PLPPR1: variants seen among roughly 807,000 people sequenced by gnomAD.
The protein encoded by PLPPR1 is phospholipid phosphatase related 1, also known as phospholipid phosphatase-related protein type 1.
In PLPPR1, 10 loss-of-function variants were observed where a neutral mutation model predicts 33.1. The observed-to-expected ratio is 0.30, with a 90% CI of 0.19 to 0.51. The LOEUF is 0.51. PLPPR1 is among the 20% of genes least tolerant of loss of function. The pLI is 0.97. For missense variants in PLPPR1, 304 were observed against 408.1 expected, an observed-to-expected ratio of 0.74 and a Z score of 2.20; for synonymous variants, 151 against 151.0, an observed-to-expected ratio of 1.00 and a Z score of 0.00.
intron 1 of PLPPR1, among the ~76,000 whole-genome samples, chr9:101,184,334 G>A (rs3758287): frequency 2.0e-5 from 3 of 151,914 alleles, no homozygotes; most frequent in East Asian, 3.9e-4. Context: ...CAAAAGGGAA[G>A]GATATGTATT....
At chr9:101,184,311 G>A (rs1194818927) in intron 1 of PLPPR1, among the ~76,000 whole-genome samples, 2 of 151,480 alleles carry the variant, frequency 1.3e-5, no homozygotes, top group Non-Finnish European at 2.9e-5. Context: ...TGACAAGTGA[G>A]GAGTTGATAT....
At chr9:101,118,674 C>T (rs1450447020) in intron 1 of PLPPR1, among the ~76,000 whole-genome samples, 1 of 152,216 alleles carries the variant, frequency 6.6e-6, no homozygotes, top group African/African-American at 2.4e-5. Context: ...AGCCTGTAGA[C>T]AATGTTGATC....
chr9:101,173,088 A>G (rs1357504130), intron 1 of PLPPR1, among the ~76,000 whole-genome samples: 1 of 152,222 alleles, frequency 6.6e-6, no homozygotes, highest in African/African-American at 2.4e-5. Context: ...ACAAACCCAT[A>G]AAGAATAATC....
At chr9:101,272,253 T>C (rs1828115223) in intron 3 of PLPPR1, among the ~76,000 whole-genome samples, 1 of 152,040 alleles carries the variant, frequency 6.6e-6, no homozygotes, top group African/African-American at 2.4e-5. Context: ...TCTCAAAAAA[T>C]AGTACTCAGG....
intron 2 of PLPPR1, among the ~76,000 whole-genome samples, chr9:101,210,499 A>T (rs1417565648): frequency 6.6e-6 from 1 of 151,932 alleles, no homozygotes; most frequent in Admixed American, 6.6e-5. Flanking sequence ...TCTTTCTCTC[A>T]TTCTTTATGA....
intron 4 of PLPPR1, among the ~76,000 whole-genome samples, chr9:101,292,155 A>C (rs1046742160): frequency 1.3e-5 from 2 of 152,244 alleles, no homozygotes; most frequent in Non-Finnish European, 2.9e-5. Context: ...CAGAAGCCTC[A>C]GGAGCCGACG....
At chr9:101,210,589 G>T (rs1451793955) in intron 2 of PLPPR1, among the ~76,000 whole-genome samples, 1 of 152,084 alleles carries the variant, frequency 6.6e-6, no homozygotes, top group African/African-American at 2.4e-5. Flanking sequence ...TGATGGATTT[G>T]ACACATTTAT....
intron 1 of PLPPR1, among the ~76,000 whole-genome samples, chr9:101,047,573 T>C (rs981923229): frequency 3.9e-5 from 6 of 152,280 alleles, no homozygotes; most frequent in Middle Eastern, 3.4e-3. Context: ...GCCCAAGCAG[T>C]CTCCATCGTA....
intron 1 of PLPPR1, among the ~76,000 whole-genome samples, chr9:101,037,228 C>T (rs1457386008): frequency 3.3e-5 from 5 of 151,982 alleles, no homozygotes. Flanking sequence ...AAATAAATCC[C>T]CTGCTTGTGT....
chr9:101,113,412 A>G (rs578082975), intron 1 of PLPPR1, among the ~76,000 whole-genome samples: 12 of 152,286 alleles, frequency 7.9e-5, no homozygotes, highest in African/African-American at 2.6e-4. Context: ...AGTAAGGGAT[A>G]TATAACTATT....
At chr9:101,291,259 C>A (rs1828499562) in intron 4 of PLPPR1, among the ~76,000 whole-genome samples, 1 of 152,214 alleles carries the variant, frequency 6.6e-6, no homozygotes, top group Admixed American at 6.5e-5. Flanking sequence ...ATTGCCCAGG[C>A]TTGCTTAGGT....
At chr9:101,223,623 T>C (rs1397455094) in intron 2 of PLPPR1, among the ~76,000 whole-genome samples, 1 of 152,134 alleles carries the variant, frequency 6.6e-6, no homozygotes, top group Non-Finnish European at 1.5e-5. Context: ...CTCATGGTAG[T>C]GAGTGACTCT....
intron 1 of PLPPR1, among the ~76,000 whole-genome samples, chr9:101,154,307 C>G (rs1831643730): frequency 6.6e-6 from 1 of 151,456 alleles, no homozygotes; most frequent in Non-Finnish European, 1.5e-5. Context: ...CCTTGTACCT[C>G]TGGTAGAATT....
chr9:101,109,497 T>C (rs942116794), intron 1 of PLPPR1, among the ~76,000 whole-genome samples: 1 of 152,186 alleles, frequency 6.6e-6, no homozygotes, highest in Non-Finnish European at 1.5e-5. Context: ...ATAAAGCCAG[T>C]GCTATGCCAT....
chr9:101,056,115 T>G (rs148681736), intron 1 of PLPPR1, among the ~76,000 whole-genome samples: 2 of 152,322 alleles, frequency 1.3e-5, no homozygotes, highest in East Asian at 3.9e-4. Context: ...GTATGTACTA[T>G]TATTACCCAT....
rs1190648483 is a variant in PLPPR1 at position 101,047,687 on chromosome 9, G to A, written c.-46+18585G>A. On this transcript the variant is annotated intron_variant, in intron 1 of 7. Coordinates refer to ENST00000374874, the MANE Select transcript of PLPPR1 (RefSeq NM_207299.2). ...AGGATGGAATCATGTGATTTCCTCA[G>A]TATTTGATGCTCAGTACCTGTGCTT... Among the ~76,000 whole-genome samples the A allele has an allele frequency of 2.0e-5, 3 of 152,110 alleles. No individual in the cohort carries two copies. The East Asian group carries it at 5.8e-4, about 29-fold the overall frequency.
intron 1 of PLPPR1, among the ~76,000 whole-genome samples, chr9:101,049,835 A>G (rs983206401): frequency 1.3e-5 from 2 of 152,042 alleles, no homozygotes; most frequent in Non-Finnish European, 1.5e-5. Flanking sequence ...TTAAAAAAAA[A>G]AAAGTATAGG....
At chr9:101,269,287 A>G (rs1828052534) in intron 2 of PLPPR1, among the ~76,000 whole-genome samples, 2 of 152,140 alleles carry the variant, frequency 1.3e-5, no homozygotes, top group African/African-American at 4.8e-5. Flanking sequence ...GGCAGAAACC[A>G]TTTTGGAAAA....
intron 1 of PLPPR1, among the ~76,000 whole-genome samples, chr9:101,164,748 GA>G (rs1477014837): frequency 1.3e-5 from 2 of 152,056 alleles, no homozygotes; most frequent in African/African-American, 2.4e-5. Flanking sequence ...AATTAAAGGG[GA>G]AAGATGAAGT....
Sources: allele counts gnomAD v4.1 joint callset (sites outside exome capture counted in the v4.1 genomes callset), GRCh38; gene constraint gnomAD v4.1.1; transcripts MANE v1.5; gene names NCBI Gene and HGNC (gene_info 2026-07-23, HGNC 2026-07-21).